BUB1: variants seen among roughly 807,000 people sequenced by gnomAD.
BUB1 encodes BUB1 mitotic checkpoint serine/threonine kinase.
In BUB1, 84 loss-of-function variants were observed where a neutral mutation model predicts 135.2. That is an observed-to-expected ratio of 0.62 (90% confidence interval 0.52 to 0.74). The LOEUF is 0.74. BUB1 is among the 30% of genes least tolerant of loss of function. BUB1 has a pLI of 0.00. For missense variants in BUB1, 1,162 were observed against 1,288.3 expected, an observed-to-expected ratio of 0.90 and a Z score of 1.50; for synonymous variants, 403 against 434.4, an observed-to-expected ratio of 0.93 and a Z score of 0.90.
intron 19 of BUB1, among the ~76,000 whole-genome samples, chr2:110,646,240 GC>G (rs1354523334): frequency 6.6e-6 from 1 of 151,658 alleles, no homozygotes; most frequent in African/African-American, 2.4e-5. Context: ...GGAAGCTGGG[GC>G]CAAAGGATTG....
In BUB1 at chr2:110,639,768, C is replaced by T. The variant is rs55952031; in HGVS notation, c.3036G>A (p.Glu1012=). 1,178 of 1,613,828 alleles carry T rather than the reference C, an allele frequency of 7.3e-4. 10 individuals carry two copies. The African/African-American group carries it at 0.014, about 20-fold the overall frequency. Reference sequence around the variant, plus strand: ...TTCTAAAAAGACCTTCAGGCTTACACTCTCCTCCTTCATTTTTCACTTTCA... The same window carrying T: ...TTCTAAAAAGACCTTCAGGCTTACATTCTCCTCCTTCATTTTTCACTTTCA... ...TYMKVKNEGG[E]CKPEGLFRRL... Residue 1012 remains glutamate (E), a synonymous_variant, in exon 24 of 25, where the codon GAG becomes GAA. Transcript: ENST00000302759.
At chr2:110,677,927 C>T in intron 1 of BUB1, 43 bp downstream of exon 1, 1 of 1,594,588 alleles carries the variant, frequency 6.3e-7, no homozygotes, top group Non-Finnish European at 8.5e-7. Flanking sequence ...CCCCAGGCGC[C>T]CCAGCCCCCT....
intron 9 of BUB1, among the ~76,000 whole-genome samples, chr2:110,663,946 G>A (rs1363889509): frequency 6.6e-6 from 1 of 150,612 alleles, no homozygotes; most frequent in Admixed American, 6.6e-5. Context: ...GGAGAATGGC[G>A]TGAACCCGGG....
At chr2:110,672,977 G>T in intron 3 of BUB1, 120 bp from the exon 4 acceptor site, 2 of 973,186 alleles carry the variant, frequency 2.1e-6, no homozygotes, top group South Asian at 2.1e-5. Flanking sequence ...CTGGTCATCA[G>T]CAAAACCAAG....
intron 20 of BUB1, 106 bp from the exon 21 acceptor site, chr2:110,641,909 C>G (rs950159496): frequency 7.8e-7 from 1 of 1,289,330 alleles, no homozygotes; most frequent in African/African-American, 1.5e-5. Context: ...ATAGTGATGA[C>G]AAGCTATGAA....
chr2:110,641,350 T>G lies in BUB1; in HGVS notation c.2740A>C (p.Ile914Leu), dbSNP rs1174356078. The change falls in exon 22 of 25, where the codon ATT becomes CTT. Residue 914 changes from isoleucine (I) to leucine (L), a missense_variant. Physicochemically the swap from Ile to Leu is conservative, Grantham distance 5. Coordinates refer to ENST00000302759, the MANE Select transcript of BUB1 (RefSeq NM_004336.5). ...MIEQVHDCEI[I>L]HGDIKPDNFI... ...TTGTCTGGTTTAATGTCTCCATGAA[T>G]GATTTCACAGTCATGCACTTGCTCA... The G allele has an allele frequency of 5.6e-6, 9 of 1,613,736 alleles. No individual in the cohort carries two copies. Among genetic ancestry groups the G allele is most frequent in the Non-Finnish European group, 7.6e-6 (9 of 1,179,844 alleles).
chr2:110,639,956 T>C (rs1290554777), intron 23 of BUB1, 108 bp from the exon 24 acceptor site: 1 of 918,244 alleles, frequency 1.1e-6, no homozygotes, highest in South Asian at 1.4e-5. Context: ...AGGATTTTAC[T>C]TTTAAAACAT....
chr2:110,676,237 G>A (rs1690578588), intron 1 of BUB1, among the ~76,000 whole-genome samples: 1 of 151,700 alleles, frequency 6.6e-6, no homozygotes, highest in African/African-American at 2.4e-5. Flanking sequence ...CACAGAAAAA[G>A]ATACATGGCT....
chr2:110,671,194 C>T (rs1204917882), intron 4 of BUB1, among the ~76,000 whole-genome samples: 3 of 152,060 alleles, frequency 2.0e-5, no homozygotes. Flanking sequence ...AGCCATTTTA[C>T]GTGATGAGGA....
At chr2:110,659,920 C>A in intron 11 of BUB1, 58 bp downstream of exon 11, 1 of 1,476,706 alleles carries the variant, frequency 6.8e-7, no homozygotes, top group Non-Finnish European at 9.4e-7. Context: ...ACAAAATACA[C>A]CTCTGAGTGA....
chr2:110,659,149 T>C (rs1396313872), intron 11 of BUB1, among the ~76,000 whole-genome samples: 2 of 152,142 alleles, frequency 1.3e-5, no homozygotes, highest in African/African-American at 4.8e-5. Flanking sequence ...CTGGGTCCTG[T>C]TTGGTCAGGC....
chr2:110,657,186 T>C (rs1292978153), intron 14 of BUB1, 69 bp from the exon 15 acceptor site: 10 of 1,341,722 alleles, frequency 7.5e-6, no homozygotes, highest in Middle Eastern at 3.7e-4. Flanking sequence ...CACTTGACCA[T>C]TAGAAAAGTT....
rs148368189 is a variant in BUB1, at chr2:110,639,846, G to A, written c.2958C>T (p.Ile986=). The change falls in exon 24 of 25, where the codon ATC becomes ATT. Residue 986 remains isoleucine (I), a splice_region_variant and synonymous_variant. Transcript: ENST00000302759. ...MLSNKPWNYQ[I]DYFGVAATVY... ...CTGTTGCAGCAACCCCAAAGTAATC[G>A]ATCTATGAAGAAGATAGAGGTATAT... The A allele has an allele frequency of 1.7e-5, 27 of 1,609,648 alleles. No individual in the cohort carries two copies. The highest frequency in any genetic ancestry group is 1.2e-4 in the African/African-American group (9 of 74,764).
chr2:110,641,203 A>C lies in BUB1; in HGVS notation c.2786T>G (p.Phe929Cys). 1 of 1,595,628 alleles carries C rather than the reference A, an allele frequency of 6.3e-7. No homozygotes were observed. The highest frequency in any genetic ancestry group is 8.5e-7 in the Non-Finnish European group (1 of 1,172,434). The change falls in exon 23 of 25, where the codon TTT becomes TGT. Residue 929 changes from phenylalanine to cysteine, a missense_variant and splice_region_variant. By Grantham distance (205) the Phe-to-Cys change is radical (BLOSUM62 -2). Transcript: ENST00000302759. Reference protein sequence around the residue: ...KPDNFILGNGFLEQDDEDDLS... With the variant: ...KPDNFILGNGCLEQDDEDDLS... ...ATCATCTTCATCATCCTGTTCCAAA[A>C]ATCTATATTAAACACAAACAAAGCC...
Position 110,650,791 on chromosome 2 carries a change from G to A in BUB1, c.1965-7C>T, listed in dbSNP as rs1379032686. 32 of 1,609,168 alleles carry A rather than the reference G, an allele frequency of 2.0e-5. No individual in the cohort carries two copies. Among genetic ancestry groups the A allele is most frequent in the South Asian group, 3.3e-5 (3 of 90,994 alleles). On this transcript the variant is annotated splice_region_variant and splice_polypyrimidine_tract_variant and intron_variant, in intron 17 of 24. Coordinates refer to ENST00000302759, the MANE Select transcript of BUB1 (RefSeq NM_004336.5). ...GCTTTTCTCTTGAATTGGACTGGAC[G>A]TGTGAAAGGAATAAAGAAACCAAAA...
rs1478159002 is a variant in BUB1 at position 110,678,012 on chromosome 2, CCGGCAG to C, written c.-23_-18del. 1 of 1,601,974 alleles carries C rather than the reference CCGGCAG, an allele frequency of 6.2e-7. No homozygotes were observed. The highest frequency in any genetic ancestry group is 1.7e-5 in the Admixed American group (1 of 58,246). ...GGTGTCCATGGCCAGAGGACGCTGG[CCGGCAG>C]CGGCCAAACCTGAACCGCAAACTAG... On this transcript the variant is annotated 5_prime_UTR_variant, in exon 1 of 25. Transcript: ENST00000302759.
intron 10 of BUB1, chr2:110,661,032 T>C (rs1690069010): frequency 6.6e-6 from 1 of 152,214 alleles, no homozygotes; most frequent in South Asian, 2.1e-4. Flanking sequence ...AGAGCCAAAA[T>C]GACTGGAGGT....
chr2:110,656,252 T>A (rs931330845), intron 15 of BUB1, among the ~76,000 whole-genome samples: 2 of 152,222 alleles, frequency 1.3e-5, no homozygotes, highest in African/African-American at 4.8e-5. Context: ...CAACTTCTTA[T>A]AGAACTGTGG....
chr2:110,677,053 A>G (rs1423290206), intron 1 of BUB1, among the ~76,000 whole-genome samples: 1 of 152,224 alleles, frequency 6.6e-6, no homozygotes, highest in African/African-American at 2.4e-5. Context: ...TTCATATTCT[A>G]ACACCAACCA....
Sources: gnomAD v4.1 joint callset for allele counts (sites outside exome capture counted in the v4.1 genomes callset) on GRCh38, gnomAD v4.1.1 for gene constraint, MANE v1.5 for transcripts, NCBI Gene and HGNC (gene_info 2026-07-23, HGNC 2026-07-21) for gene names.